Variants in NLRP8 observed in about 807,000 individuals in gnomAD.
NLRP8 encodes NLR family pyrin domain containing 8.
In NLRP8, 86 loss-of-function variants were observed where a neutral mutation model predicts 88.7. That is an observed-to-expected ratio of 0.97 (90% CI 0.81 to 1.16). The LOEUF is 1.16. Among genes scored for constraint, NLRP8 ranks in the 50% most tolerant of loss-of-function variants. The pLI is 0.00. For missense variants in NLRP8, 1,342 were observed against 1,286.5 expected (o/e 1.04, Z -0.66); for synonymous variants, 504 against 494.6 (o/e 1.02, Z -0.25).
At chr19:55,957,667 T>A (rs60392268) in intron 3 of NLRP8, among the ~76,000 whole-genome samples, 16,400 of 89,474 alleles carry the variant, frequency 0.18, 1,861 homozygotes, top group African/African-American at 0.39. Context: ...AAAGAAAAAA[T>A]AATAATTATA....
intron 9 of NLRP8, among the ~76,000 whole-genome samples, chr19:55,982,050 C>T (rs1428684075): frequency 6.6e-6 from 1 of 152,014 alleles, no homozygotes; most frequent in African/African-American, 2.4e-5. Context: ...TACAGGTGTG[C>T]ACCACCACTC....
chr19:55,979,591 A>G, intron 9 of NLRP8, 27 bp downstream of exon 9: 1 of 1,613,092 alleles, frequency 6.2e-7, no homozygotes, highest in Non-Finnish European at 8.5e-7. Context: ...TTTCCTGTGC[A>G]AAACCTACCA....
Position 55,966,358 on chromosome 19 carries a change from C to A in NLRP8, c.2359C>A (p.Arg787=). The A allele has an allele frequency of 6.2e-7, 1 of 1,613,912 alleles. No homozygotes were observed. The highest frequency in any genetic ancestry group is 1.7e-5 in the Admixed American group (1 of 60,016). The change falls in exon 5 of 10, where the codon CGG becomes AGG. Residue 787 remains arginine, a synonymous_variant. Coordinates refer to ENST00000291971, the MANE Select transcript of NLRP8 (RefSeq NM_176811.2). Reference sequence around the variant, plus strand: ...TCTATGCAGGGTGCTGAGATCCCCCCGGTGCCGTCTGCAGTGTCTCAGGTG... The same window carrying A: ...TCTATGCAGGGTGCTGAGATCCCCCAGGTGCCGTCTGCAGTGTCTCAGGTG...
intron 4 of NLRP8, 56 bp downstream of exon 4, chr19:55,962,293 A>G (rs1979649751): frequency 1.8e-5 from 27 of 1,539,750 alleles, no homozygotes; most frequent in Non-Finnish European, 2.4e-5. Flanking sequence ...TCTGTTTCCC[A>G]TCCACTTTCT....
At chr19:55,987,757 A>C in intron 9 of NLRP8, 1 of 1,241,572 alleles carries the variant, frequency 8.1e-7, no homozygotes. Context: ...AGCTTAGGGA[A>C]GTCACTCATC....
intron 1 of NLRP8, 112 bp from the exon 2 acceptor site, chr19:55,952,426 C>T (rs930825075): frequency 1.9e-4 from 152 of 782,374 alleles, no homozygotes; most frequent in South Asian, 1.3e-3. Flanking sequence ...GAGGATGAGA[C>T]TCTGAAGCCA....
chr19:55,979,366 C>T, intron 8 of NLRP8, 28 bp from the exon 9 acceptor site: 10 of 1,611,582 alleles, frequency 6.2e-6, no homozygotes, highest in Non-Finnish European at 8.5e-6. Flanking sequence ...GACTTCTCTG[C>T]TGTCTGCTGT....
At chr19:55,963,025 C>T (rs1368572692) in intron 4 of NLRP8, among the ~76,000 whole-genome samples, 3 of 151,788 alleles carry the variant, frequency 2.0e-5, no homozygotes, top group African/African-American at 4.8e-5. Context: ...TATCCCCCCC[C>T]TTTTTTAAAA....
At position 55,955,945 on chromosome 19, in the gene NLRP8, T is replaced by C. The variant is rs774945076; in HGVS notation, c.1887T>C (p.Tyr629=). ...TTGTAAGCCAAGCCCTAAATGATTA[T>C]CATAAAGTTGTCTTGAGAATTGGCA... is the stretch of plus-strand genomic sequence containing the variant. The change falls in exon 3 of 10, where the codon TAT becomes TAC. Residue 629 remains tyrosine, a synonymous_variant. Coordinates refer to ENST00000291971, the MANE Select transcript of NLRP8 (RefSeq NM_176811.2). 4 of 1,614,034 alleles carry C rather than the reference T, an allele frequency of 2.5e-6. No individual in the cohort carries two copies. The African/African-American group carries it at 4.0e-5, about 16-fold the overall frequency.
intron 9 of NLRP8, among the ~76,000 whole-genome samples, chr19:55,981,424 C>T (rs565318924): frequency 6.6e-6 from 1 of 152,258 alleles, no homozygotes; most frequent in East Asian, 1.9e-4. Flanking sequence ...AGGTGAGTTC[C>T]AACCCACATC....
chr19:55,960,897 C>CTTTTTTTTTTTTT (rs36087472), intron 3 of NLRP8, among the ~76,000 whole-genome samples: 20 of 91,006 alleles, frequency 2.2e-4, no homozygotes, highest in African/African-American at 5.8e-4. Flanking sequence ...AACTATTTCT[C>CTTTTTTTTTTTTT]TTTTTTTTTT....
chr19:55,970,703 C>A lies in NLRP8; in HGVS notation c.2534+7C>A. 6.2e-7 allele frequency: 1 copy of A among 1,613,832 alleles called. No homozygotes were observed. The highest frequency in any genetic ancestry group is 1.3e-5 in the African/African-American group (1 of 74,994). ...CCCAGCTGGAGAGGCTGTCGTAAGT[C>A]TCCTTTCTAGTGGCTGTGGTTGTGG... On this transcript the variant is annotated splice_region_variant and intron_variant, in intron 6 of 9. Coordinates refer to ENST00000291971, the MANE Select transcript of NLRP8 (RefSeq NM_176811.2).
In NLRP8 at chr19:55,987,834, G is replaced by A. The variant is rs773147830; in HGVS notation, c.3068G>A (p.Arg1023Gln). Residue 1023 changes from arginine to glutamine, a missense_variant, in exon 10 of 10, where the codon CGA becomes CAA. Physicochemically the swap from Arg to Gln is conservative, Grantham distance 43. Coordinates refer to ENST00000291971, the MANE Select transcript of NLRP8 (RefSeq NM_176811.2). ...TCCAGCTGTATTCCTGCCTGGACTC[G>A]AATAACTAGCTTCTCCCCAACTCCT... is the stretch of plus-strand genomic sequence containing the variant. 5.0e-6 allele frequency: 8 copies of A among 1,613,836 alleles called. No individual in the cohort carries two copies. Among genetic ancestry groups the A allele is most frequent in the East Asian group, 2.2e-5 (1 of 44,860 alleles).
intron 9 of NLRP8, among the ~76,000 whole-genome samples, chr19:55,984,670 AAAAAC>A (rs1980726331): frequency 7.2e-6 from 1 of 139,002 alleles, no homozygotes; most frequent in Non-Finnish European, 1.5e-5. Flanking sequence ...AAAAAAAAAA[AAAAAC>A]AACAGTTGTG....
intron 5 of NLRP8, among the ~76,000 whole-genome samples, chr19:55,967,049 A>G (rs1346680272): frequency 6.6e-6 from 1 of 152,240 alleles, no homozygotes; most frequent in African/African-American, 2.4e-5. Context: ...TAGCCCTTCA[A>G]ACATTTATCC....
At chr19:55,975,738 AAAAG>A (rs762177655) in intron 7 of NLRP8, among the ~76,000 whole-genome samples, 2 of 152,222 alleles carry the variant, frequency 1.3e-5, no homozygotes, top group African/African-American at 2.4e-5. Flanking sequence ...CAAATCCAGA[AAAAG>A]AAAGCAAATT....
In NLRP8 at chr19:55,954,607, C is replaced by A. The variant is rs1195907508; in HGVS notation, c.549C>A (p.His183Gln). 3 of 1,614,176 alleles carry A rather than the reference C, an allele frequency of 1.9e-6. No homozygotes were observed. The highest frequency in any genetic ancestry group is 2.5e-6 in the Non-Finnish European group (3 of 1,180,040). ...GGGACTTCTTCTACCAAGGTGTACA[C>A]AGGCACGAGGAGTACTTACCATGTC... The change falls in exon 3 of 10, where the codon CAC becomes CAA. Residue 183 changes from histidine (H) to glutamine (Q), a missense_variant. Coordinates refer to ENST00000291971, the MANE Select transcript of NLRP8 (RefSeq NM_176811.2).
intron 5 of NLRP8, among the ~76,000 whole-genome samples, chr19:55,966,588 G>A (rs954942082): frequency 4.6e-5 from 7 of 151,112 alleles, no homozygotes; most frequent in African/African-American, 1.7e-4. Context: ...GGATCACGAG[G>A]TAGAGACCAA....
intron 4 of NLRP8, among the ~76,000 whole-genome samples, chr19:55,963,955 A>G (rs1042981361): frequency 6.6e-6 from 1 of 152,090 alleles, no homozygotes; most frequent in Admixed American, 6.6e-5. Flanking sequence ...ACTCATCCCA[A>G]GCAGTAGGTG....
Sources: gnomAD v4.1 joint callset for allele counts (sites outside exome capture counted in the v4.1 genomes callset) on GRCh38, gnomAD v4.1.1 for gene constraint, MANE v1.5 for transcripts, NCBI Gene and HGNC (gene_info 2026-07-23, HGNC 2026-07-21) for gene names.